Variants in BANP observed in about 807,000 individuals in gnomAD.
The protein encoded by BANP is protein BANP.
BANP carries 11 observed loss-of-function variants against 68.1 expected under a neutral mutation model. The ratio of observed to expected loss-of-function variants is 0.16; its 90% CI spans 0.10 to 0.27. BANP has a LOEUF of 0.27. Among genes scored for constraint, BANP ranks in the 10% least tolerant of loss-of-function variants. BANP has a pLI of 1.00. For missense variants in BANP, 504 were observed against 722.7 expected (o/e 0.70, Z 3.47); for synonymous variants, 329 against 303.2 (o/e 1.09, Z -0.88).
intron 7 of BANP, among the ~76,000 whole-genome samples, chr16:88,023,797 G>A (rs2076463763): frequency 6.6e-6 from 1 of 152,236 alleles, no homozygotes; most frequent in Admixed American, 6.5e-5. Flanking sequence ...AGACTCTTTA[G>A]CTCTTTGGGG....
rs66648819 is a variant in BANP, at chr16:87,987,712, C to CAAAAAAAAAAAAAAAAAA, written c.362+3463_362+3480dup. Among the ~76,000 whole-genome samples the CAAAAAAAAAAAAAAAAAA allele has an allele frequency of 4.2e-3, 127 of 30,370 alleles. 32 individuals are homozygous for CAAAAAAAAAAAAAAAAAA. The highest frequency in any genetic ancestry group is 6.4e-3 in the Non-Finnish European group (111 of 17,218). 19.9% of individuals were successfully genotyped at this position (30,370 alleles called of 152,430 possible). On this transcript the variant is annotated intron_variant, in intron 4 of 13. Transcript: ENST00000682872. ...CTCCAGGCTGAGCGAGACCCTAACT[C>CAAAAAAAAAAAAAAAAAA]AAAAAAAAAAAAAAAAAAAAAAAAA...
intron 4 of BANP, among the ~76,000 whole-genome samples, chr16:88,001,421 C>T (rs1293492325): frequency 6.6e-6 from 1 of 152,270 alleles, no homozygotes; most frequent in Non-Finnish European, 1.5e-5. Flanking sequence ...CGCAGCTGGA[C>T]TTAGCTGTGT....
At chr16:87,993,843 C>T (rs370315574) in intron 4 of BANP, among the ~76,000 whole-genome samples, 3 of 152,114 alleles carry the variant, frequency 2.0e-5, no homozygotes, top group Non-Finnish European at 2.9e-5. Flanking sequence ...TCAGGTGATC[C>T]GCCTGCCTTG....
chr16:87,983,344 G>T (rs1308353142), intron 3 of BANP, among the ~76,000 whole-genome samples: 2 of 152,196 alleles, frequency 1.3e-5, no homozygotes, highest in East Asian at 1.9e-4. Context: ...TGATTAACAC[G>T]TTTCCACGTG....
chr16:87,966,306 T>G (rs2060009808), intron 1 of BANP, among the ~76,000 whole-genome samples: 1 of 152,170 alleles, frequency 6.6e-6, no homozygotes, highest in Non-Finnish European at 1.5e-5. Flanking sequence ...TTGGTGGACT[T>G]GGTAGGGTTC....
rs2152558857 is a variant in BANP, at chr16:88,004,484, T to C, written c.479+73T>C. 1.2e-6 allele frequency: 1 copy of C among 856,770 alleles called. No individual in the cohort carries two copies. Among genetic ancestry groups the C allele is most frequent in the South Asian group, 1.7e-5 (1 of 58,104 alleles). The allele number at this position is 856,770 out of a possible 1,614,324, so 53.1% of individuals were successfully genotyped here. Reference sequence around the variant, plus strand: ...TCCCATGAGAATAAGTCAACGTCCCTAAGCCAGGGCACAGTCCAGCACACG... The same window carrying C: ...TCCCATGAGAATAAGTCAACGTCCCCAAGCCAGGGCACAGTCCAGCACACG... On this transcript the variant is annotated intron_variant, in intron 5 of 13. Transcript: ENST00000682872. This position sits in a 1 kb window ranked among gnomAD's most constrained non-coding sequence, Gnocchi z 7.0.
intron 6 of BANP, among the ~76,000 whole-genome samples, chr16:88,008,366 G>C (rs2071913843): frequency 6.6e-6 from 1 of 152,094 alleles, no homozygotes; most frequent in Admixed American, 6.5e-5. Context: ...AGGAAAGGAG[G>C]GATGCTCCTG....
intron 1 of BANP, chr16:87,952,364 T>G (rs1458335787): frequency 1.3e-5 from 2 of 152,338 alleles, no homozygotes; most frequent in East Asian, 3.9e-4. Context: ...GTAGCGAGCT[T>G]GCACCCTGAC....
At chr16:87,976,302 A>C (rs552080198) in intron 2 of BANP, among the ~76,000 whole-genome samples, 1 of 152,260 alleles carries the variant, frequency 6.6e-6, no homozygotes, top group South Asian at 2.1e-4. Context: ...TTTTTTCTAC[A>C]CCTTTGCTAA....
chr16:88,074,663 G>T (rs1036590067), intron 13 of BANP, among the ~76,000 whole-genome samples: 5 of 152,088 alleles, frequency 3.3e-5, no homozygotes, highest in African/African-American at 1.2e-4. Context: ...CTGTCTGGGG[G>T]AAGGGGCTTT....
chr16:87,953,429 G>T (rs944945197), intron 1 of BANP, among the ~76,000 whole-genome samples: 1 of 151,948 alleles, frequency 6.6e-6, no homozygotes, highest in Non-Finnish European at 1.5e-5. Flanking sequence ...GGCCGTACTC[G>T]AACTCCTGAG....
chr16:88,005,238 G>A (rs376453540), intron 5 of BANP, among the ~76,000 whole-genome samples: 23 of 152,334 alleles, frequency 1.5e-4, no homozygotes, highest in African/African-American at 5.5e-4. Context: ...GCTTTGCACT[G>A]AGGTCAGCCA....
upstream of BANP, chr16:87,950,382 G>C (rs1444903704): frequency 6.6e-6 from 1 of 152,038 alleles, no homozygotes; most frequent in South Asian, 2.1e-4. Flanking sequence ...TTTTTCCTGT[G>C]ATTACCCACA....
chr16:88,075,022 A>G (rs962385145), intron 13 of BANP, among the ~76,000 whole-genome samples: 3 of 152,102 alleles, frequency 2.0e-5, no homozygotes, highest in African/African-American at 7.2e-5. Context: ...TGGGCAACGT[A>G]GCGAGACCCC....
At chr16:88,059,159 G>C (rs547748613) in intron 11 of BANP, among the ~76,000 whole-genome samples, 39 of 140,132 alleles carry the variant, frequency 2.8e-4, no homozygotes, top group African/African-American at 1.2e-3. Flanking sequence ...CTGCTGGTGT[G>C]CTGTGGTCCA....
chr16:87,986,484 C>T (rs1397868978), intron 4 of BANP, among the ~76,000 whole-genome samples: 3 of 152,206 alleles, frequency 2.0e-5, no homozygotes, highest in Admixed American at 6.5e-5. Context: ...GGAGCTTGGG[C>T]CTCTGACTGT....
At chr16:88,065,879 C>T (rs1398111248) in intron 12 of BANP, among the ~76,000 whole-genome samples, 2 of 152,136 alleles carry the variant, frequency 1.3e-5, no homozygotes, top group African/African-American at 2.4e-5. Flanking sequence ...GTGTCCCCAG[C>T]GGAGCAGCTC....
At chr16:87,997,297 TAAAA>T (rs1210924910) in intron 4 of BANP, among the ~76,000 whole-genome samples, 1 of 152,226 alleles carries the variant, frequency 6.6e-6, no homozygotes, top group Non-Finnish European at 1.5e-5. Context: ...GTAAAACAGT[TAAAA>T]AACTCAAACA....
chr16:88,068,949 T>C (rs2152907428), intron 12 of BANP, among the ~76,000 whole-genome samples: 1 of 151,128 alleles, frequency 6.6e-6, no homozygotes, highest in Non-Finnish European at 1.5e-5. Flanking sequence ...TGCTCTCTCT[T>C]TCCTGCCCCT....
Sources: gnomAD v4.1 joint callset for allele counts (sites outside exome capture counted in the v4.1 genomes callset) on GRCh38, gnomAD v4.1.1 for gene constraint, Gnocchi (gnomAD v3.1) non-coding constraint, MANE v1.5 for transcripts, NCBI Gene and HGNC (gene_info 2026-07-23, HGNC 2026-07-21) for gene names.